MAP3K20: variants seen among roughly 807,000 people sequenced by gnomAD.
MAP3K20 encodes mitogen-activated protein kinase kinase kinase 20.
Under a neutral mutation model 85.7 loss-of-function variants are expected in MAP3K20, and 40 were observed. The ratio of observed to expected loss-of-function variants is 0.47; its 90% CI spans 0.36 to 0.61. The LOEUF is 0.61. MAP3K20 is among the 20% of genes least tolerant of loss of function. The pLI is 0.00. For missense variants in MAP3K20, 817 were observed against 961.7 expected, an observed-to-expected ratio of 0.85 and a Z score of 1.99; for synonymous variants, 325 against 327.7, an observed-to-expected ratio of 0.99 and a Z score of 0.09.
chr2:173,264,442 A>T (rs986152246), intron 19 of MAP3K20, among the ~76,000 whole-genome samples: 1 of 152,030 alleles, frequency 6.6e-6, no homozygotes, highest in Non-Finnish European at 1.5e-5. Flanking sequence ...AGATATCACA[A>T]CGCCCAGAGG....
chr2:173,221,555 C>G, intron 11 of MAP3K20: 1 of 1,480,396 alleles, frequency 6.8e-7, no homozygotes, highest in Non-Finnish European at 9.0e-7. Flanking sequence ...GTAATAAAAT[C>G]ACAAATGTTT....
chr2:173,219,816 C>G (rs564541688), intron 11 of MAP3K20, among the ~76,000 whole-genome samples: 2 of 152,226 alleles, frequency 1.3e-5, no homozygotes, highest in South Asian at 4.1e-4. Context: ...CACCTGTAAA[C>G]CCAGCACTTT....
rs1359403090 is a variant in MAP3K20 at position 173,191,006 on chromosome 2, A to G, written c.445-34A>G. ...CTGATAATCCCTTAATTAGCCAATA[A>G]GTAGAAAGTTGACACTGATTCCTGT... On this transcript the variant is annotated intron_variant, in intron 6 of 19. Transcript: ENST00000375213. 4 of 1,610,058 alleles carry G rather than the reference A, an allele frequency of 2.5e-6. No individual in the cohort carries two copies. In the South Asian group the frequency reaches 3.3e-5, roughly 13 times the overall value.
intron 4 of MAP3K20, among the ~76,000 whole-genome samples, chr2:173,187,056 G>A (rs1355127374): frequency 6.6e-6 from 1 of 152,030 alleles, no homozygotes; most frequent in Admixed American, 6.6e-5. Context: ...CCACTCCCAG[G>A]TCTTGTTGGA....
chr2:173,087,409 C>T (rs1350329108), intron 1 of MAP3K20, among the ~76,000 whole-genome samples: 2 of 152,018 alleles, frequency 1.3e-5, no homozygotes, highest in Non-Finnish European at 2.9e-5. Context: ...GGCAGTTCCT[C>T]GTGTGTGTAT....
At chr2:173,187,383 C>G (rs1192767807) in intron 4 of MAP3K20, among the ~76,000 whole-genome samples, 175 bp from the exon 5 acceptor site, 1 of 152,162 alleles carries the variant, frequency 6.6e-6, no homozygotes, top group Non-Finnish European at 1.5e-5. Flanking sequence ...ATAAATTTGA[C>G]TTCACATATA....
At chr2:173,256,260 C>G (rs778643419) in intron 16 of MAP3K20, among the ~76,000 whole-genome samples, 7 of 152,194 alleles carry the variant, frequency 4.6e-5, no homozygotes, top group Non-Finnish European at 8.8e-5. Flanking sequence ...CAGGTCCACT[C>G]TTATTTATGA....
intron 18 of MAP3K20, 144 bp from the exon 19 acceptor site, chr2:173,263,601 C>T: frequency 1.3e-6 from 1 of 768,086 alleles, no homozygotes; most frequent in Non-Finnish European, 2.0e-6. Context: ...TTTCCTAGTG[C>T]ATTATGATAG....
chr2:173,077,462 T>C (rs950346150), intron 1 of MAP3K20, among the ~76,000 whole-genome samples: 2 of 151,890 alleles, frequency 1.3e-5, no homozygotes, highest in African/African-American at 4.8e-5. Flanking sequence ...AAATTCCTGC[T>C]ACTATAGTGA....
chr2:173,221,855 T>C (rs997851356), intron 11 of MAP3K20: 35 of 1,018,332 alleles, frequency 3.4e-5, no homozygotes, highest in Non-Finnish European at 3.9e-5. Flanking sequence ...CTTTTTAGTT[T>C]GTATTTGACT....
At chr2:173,183,477 T>C (rs1214663113) in intron 4 of MAP3K20, among the ~76,000 whole-genome samples, 1 of 152,220 alleles carries the variant, frequency 6.6e-6, no homozygotes, top group Non-Finnish European at 1.5e-5. Context: ...TAGGCATCGC[T>C]GTTGGAATTA....
At chr2:173,221,130 C>T (rs906407846) in intron 11 of MAP3K20, 2 of 1,462,302 alleles carry the variant, frequency 1.4e-6, no homozygotes, top group Non-Finnish European at 1.8e-6. Flanking sequence ...TTACTTCTGT[C>T]CTTTCTTCCC....
chr2:173,129,525 C>T (rs1434097410), intron 2 of MAP3K20, among the ~76,000 whole-genome samples: 1 of 152,182 alleles, frequency 6.6e-6, no homozygotes, highest in Non-Finnish European at 1.5e-5. Flanking sequence ...TCCATGAATA[C>T]AACAGCATTA....
intron 11 of MAP3K20, chr2:173,226,112 G>C: frequency 1.0e-6 from 1 of 981,058 alleles, no homozygotes; most frequent in Non-Finnish European, 1.2e-6. Context: ...GATTTTTAAC[G>C]TGCAGTGAAT....
chr2:173,080,150 A>G (rs902663066), intron 1 of MAP3K20, among the ~76,000 whole-genome samples: 1 of 152,230 alleles, frequency 6.6e-6, no homozygotes, highest in Admixed American at 6.5e-5. Flanking sequence ...CAGCTTTATT[A>G]CAATCTTATG....
intron 2 of MAP3K20, among the ~76,000 whole-genome samples, chr2:173,116,101 C>A (rs1317295657): frequency 6.6e-6 from 1 of 151,984 alleles, no homozygotes; most frequent in African/African-American, 2.4e-5. Context: ...ATCCTCCCAT[C>A]TCAGCCTCCC....
chr2:173,160,326 G>A (rs897905288), intron 2 of MAP3K20: 5 of 152,150 alleles, frequency 3.3e-5, no homozygotes, highest in African/African-American at 1.2e-4. Flanking sequence ...ATACAGGATT[G>A]AAAATCCTCC....
At position 173,229,833 on chromosome 2, in the gene MAP3K20, A is replaced by G. The variant is rs1684481199; in HGVS notation, c.1032+100A>G. 13 of 1,329,354 alleles carry G rather than the reference A, an allele frequency of 9.8e-6. No individual in the cohort carries two copies. In the South Asian group the frequency reaches 1.6e-4, roughly 16 times the overall value. The allele number at this position is 1,329,354 out of a possible 1,614,324, so 82.3% of individuals were successfully genotyped here. A position where few individuals can be genotyped will look rare whatever the true frequency, so the allele number is the denominator to read the frequency against. On this transcript the variant is annotated intron_variant, in intron 12 of 19. Transcript: ENST00000375213. ...AGAGATTGGGCCTTAGGAAAGTCTA[A>G]CTAGGAGAGGTTGACAAATTCTTTT...
chr2:173,119,142 G>A (rs1244396342), intron 2 of MAP3K20, among the ~76,000 whole-genome samples: 1 of 152,214 alleles, frequency 6.6e-6, no homozygotes, highest in Non-Finnish European at 1.5e-5. Context: ...AGCACTTAAG[G>A]GAGGAACAGA....
Sources: allele counts gnomAD v4.1 joint callset (sites outside exome capture counted in the v4.1 genomes callset), GRCh38; gene constraint gnomAD v4.1.1; transcripts MANE v1.5; gene names NCBI Gene and HGNC (gene_info 2026-07-23, HGNC 2026-07-21).